Variants in CCDC157 observed in about 807,000 individuals in gnomAD.
The protein encoded by CCDC157 is coiled-coil domain-containing protein 157.
Under a neutral mutation model 70.9 loss-of-function variants are expected in CCDC157, and 60 were observed. The observed-to-expected ratio is 0.85, with a 90% CI of 0.69 to 1.05. The LOEUF is 1.05. Ranked by LOEUF, CCDC157 falls within the 50% of genes least tolerant of loss-of-function variation. CCDC157 has a pLI of 0.00. For missense variants in CCDC157, 943 were observed against 984.2 expected (o/e 0.96, Z 0.56); for synonymous variants, 373 against 422.4 (o/e 0.88, Z 1.43).
chr22:30,370,436 GCTA>G lies in CCDC157; in HGVS notation c.532_534del (p.Leu178del), dbSNP rs750729304. ...AGTTAATCAAGCCCTCCTCCCCAGT[GCTA>G]GGCTTGCCCCAGACCTGCCAAGAGC... On this transcript the variant is annotated inframe_deletion, in exon 5 of 12. Coordinates refer to ENST00000338306, the MANE Select transcript of CCDC157 (RefSeq NM_001017437.5). The G allele has an allele frequency of 1.2e-6, 2 of 1,614,120 alleles. No individual in the cohort carries two copies. The highest frequency in any genetic ancestry group is 3.3e-5 in the Admixed American group (2 of 60,024).
intron 2 of CCDC157, among the ~76,000 whole-genome samples, chr22:30,365,443 G>A (rs974711424): frequency 1.3e-5 from 2 of 152,078 alleles, no homozygotes; most frequent in Non-Finnish European, 2.9e-5. Context: ...AGGGAGTACC[G>A]AGGCACTGTG....
At chr22:30,375,807 A>G (rs1933312218) in intron 10 of CCDC157, 144 bp downstream of exon 10, 1 of 723,260 alleles carries the variant, frequency 1.4e-6, no homozygotes. Context: ...CATTTTTCAC[A>G]TTTCCAGAAG....
chr22:30,360,700 T>G (rs1323101802), intron 1 of CCDC157, among the ~76,000 whole-genome samples: 1 of 151,998 alleles, frequency 6.6e-6, no homozygotes, highest in African/African-American at 2.4e-5. Context: ...TCACCTGAGC[T>G]CAGGAGTTGG....
At chr22:30,356,968 T>G, upstream of CCDC157, 5 of 490,532 alleles carry the variant, frequency 1.0e-5, no homozygotes, top group Non-Finnish European at 1.3e-5. Flanking sequence ...CGTGACGCGC[T>G]TCCCGCCCCT....
At chr22:30,367,833 G>T (rs1238791545) in intron 3 of CCDC157, among the ~76,000 whole-genome samples, 2 of 152,120 alleles carry the variant, frequency 1.3e-5, no homozygotes, top group Non-Finnish European at 2.9e-5. Flanking sequence ...GATCACCTGA[G>T]GTCAGTAGTT....
intron 1 of CCDC157, 143 bp downstream of exon 1, chr22:30,357,275 C>G (rs1931954944): frequency 6.5e-6 from 1 of 154,482 alleles, no homozygotes; most frequent in Admixed American, 6.5e-5. Context: ...TAGGAGAGCC[C>G]CTGTCCCCTC....
chr22:30,365,830 G>A (rs377657724), intron 2 of CCDC157, 160 bp from the exon 3 acceptor site: 51 of 688,170 alleles, frequency 7.4e-5, no homozygotes, highest in Middle Eastern at 4.0e-4. Context: ...GAACCGGGTC[G>A]GAAAGGCCTT....
At chr22:30,375,916 G>A (rs535007534) in intron 10 of CCDC157, 12 of 553,354 alleles carry the variant, frequency 2.2e-5, no homozygotes, top group Admixed American at 7.2e-5. Flanking sequence ...GGCCGGGTGC[G>A]GCGGCTCATG....
intron 9 of CCDC157, chr22:30,374,791 G>C: frequency 2.2e-6 from 1 of 454,520 alleles, no homozygotes; most frequent in Non-Finnish European, 4.4e-6. Flanking sequence ...CCAGAAGGAA[G>C]CATCCATCAC....
intron 3 of CCDC157, chr22:30,366,742 T>A (rs965228931): frequency 2.0e-5 from 4 of 200,714 alleles, no homozygotes; most frequent in African/African-American, 9.3e-5. Flanking sequence ...TGCAGCCTCA[T>A]CACTTCTAAG....
intron 3 of CCDC157, 117 bp downstream of exon 3, chr22:30,366,365 T>G: frequency 7.7e-7 from 1 of 1,294,982 alleles, no homozygotes; most frequent in East Asian, 2.4e-5. Context: ...CAGTCACCAT[T>G]GAGTACCTGT....
chr22:30,366,403 A>G (rs1417528653), intron 3 of CCDC157, 155 bp downstream of exon 3: 3 of 852,032 alleles, frequency 3.5e-6, no homozygotes, highest in East Asian at 2.7e-5. Context: ...AGGACTTTCA[A>G]AGTGGTCTTA....
Position 30,377,434 on chromosome 22 carries a change from C to A in CCDC157, c.*689C>A, listed in dbSNP as rs891371753. 2.6e-5 allele frequency: 4 copies of A among 154,212 alleles called. No homozygotes were observed. Among genetic ancestry groups the A allele is most frequent in the African/African-American group, 9.6e-5 (4 of 41,452 alleles). 9.6% of individuals were successfully genotyped at this position (154,212 alleles called of 1,614,324 possible). The stretch of plus-strand genomic sequence containing the variant: ...CCTGTCCCTTGGGGGTCTCTTCAGC[C>A]CAGGGTGCCATGCGGCCAAGCATCT... On this transcript the variant is annotated 3_prime_UTR_variant, in exon 12 of 12. Transcript: ENST00000338306.
At position 30,370,537 on chromosome 22, in the gene CCDC157, C is replaced by T. The variant is rs768333452; in HGVS notation, c.632C>T (p.Ser211Phe). ...TTFKNTRSVH[S>F]QTIETALVPC... ...TTCAAGAACACCAGGAGTGTCCACT[C>T]CCAGACCATTGAGACGGCCCTGGTG... The change falls in exon 5 of 12, where the codon TCC becomes TTC. Residue 211 changes from serine to phenylalanine, a missense_variant. Physicochemically the swap from Ser to Phe is radical, Grantham distance 155. Coordinates refer to ENST00000338306, the MANE Select transcript of CCDC157 (RefSeq NM_001017437.5). The T allele has an allele frequency of 6.2e-7, 1 of 1,614,098 alleles. No individual in the cohort carries two copies. Among genetic ancestry groups the T allele is most frequent in the South Asian group, 1.1e-5 (1 of 91,088 alleles).
chr22:30,377,967 G>A lies in CCDC157; in HGVS notation c.*1222G>A, dbSNP rs912695741. The stretch of plus-strand genomic sequence containing the variant: ...GAAATTGAGGCATCTACCAGGTTGC[G>A]TTCCTTTCTGCCGGTTCTGGGGAAG... On this transcript the variant is annotated 3_prime_UTR_variant, in exon 12 of 12. Coordinates refer to ENST00000338306, the MANE Select transcript of CCDC157 (RefSeq NM_001017437.5). 2.1e-5 allele frequency: 8 copies of A among 373,704 alleles called. No individual in the cohort carries two copies. Among genetic ancestry groups the A allele is most frequent in the South Asian group, 5.8e-5 (3 of 51,858 alleles). 23.1% of individuals were successfully genotyped at this position (373,704 alleles called of 1,614,324 possible).
intron 1 of CCDC157, among the ~76,000 whole-genome samples, chr22:30,358,833 T>C (rs1601711781): frequency 6.6e-6 from 1 of 152,144 alleles, no homozygotes; most frequent in Non-Finnish European, 1.5e-5. Flanking sequence ...AGACTGAGGG[T>C]TCCACTCAAG....
chr22:30,364,472 G>A (rs1308105661), intron 2 of CCDC157, among the ~76,000 whole-genome samples: 1 of 152,078 alleles, frequency 6.6e-6, no homozygotes, highest in Non-Finnish European at 1.5e-5. Context: ...TGAAACTATG[G>A]ACATCTATTA....
rs779990886 is a variant in CCDC157 at position 30,376,663 on chromosome 22, T to G, written c.2177T>G (p.Val726Gly). 7.4e-6 allele frequency: 12 copies of G among 1,613,548 alleles called. No homozygotes were observed. The South Asian group carries it at 1.1e-4, about 15-fold the overall frequency. The change falls in exon 12 of 12, where the codon GTC becomes GGC. Residue 726 changes from valine (V) to glycine (G), a missense_variant. Transcript: ENST00000338306. ...LDTCTQNPIK[V>G]LVRLRKRLSP... The stretch of plus-strand genomic sequence containing the variant: ...ACCTGCACCCAGAACCCCATCAAGG[T>G]CTTGGTCAGGCTGAGAAAGAGACTG...
chr22:30,368,672 C>G (rs1197915966), intron 3 of CCDC157: 4 of 152,322 alleles, frequency 2.6e-5, no homozygotes, highest in Admixed American at 2.6e-4. Flanking sequence ...CAGTTGGCAC[C>G]TCTGCCCCCA....
Sources: allele counts gnomAD v4.1 joint callset (sites outside exome capture counted in the v4.1 genomes callset), GRCh38; gene constraint gnomAD v4.1.1; transcripts MANE v1.5; gene names NCBI Gene and HGNC (gene_info 2026-07-23, HGNC 2026-07-21).